CELF2: variants seen among roughly 807,000 people sequenced by gnomAD.
CELF2 encodes CUG triplet repeat RNA-binding protein 2.
In CELF2, 8 loss-of-function variants were observed where a neutral mutation model predicts 62.6. The ratio of observed to expected loss-of-function variants is 0.13; its 90% CI spans 0.07 to 0.23. CELF2 has a LOEUF of 0.23. CELF2 is among the 10% of genes least tolerant of loss of function. CELF2 has a pLI of 1.00. For missense variants in CELF2, 333 were observed against 671.0 expected, an observed-to-expected ratio of 0.50 and a Z score of 5.56; for synonymous variants, 258 against 250.0, an observed-to-expected ratio of 1.03 and a Z score of -0.30.
chr10:11,026,191 A>G lies in CELF2; in HGVS notation c.74+8028A>G, dbSNP rs577324656. On this transcript the variant is annotated intron_variant, in intron 1 of 12. Coordinates refer to ENST00000633077, the MANE Select transcript of CELF2 (RefSeq NM_001326342.2). ...CTTGTGCCTCTTGGCTGCTGCTTCCATTTTATATGATCCATGTCATGATCC... is the reference window on the plus strand; with the variant it reads ...CTTGTGCCTCTTGGCTGCTGCTTCCGTTTTATATGATCCATGTCATGATCC... 3.2e-3 allele frequency among the ~76,000 whole-genome samples: 490 copies of G among 152,214 alleles called. 2 individuals carry two copies. Among genetic ancestry groups the G allele is most frequent in the African/African-American group, 0.011 (473 of 41,526 alleles).
chr10:10,752,479 A>G, the CELF2 span, among the ~76,000 whole-genome samples: 1 of 152,108 alleles, frequency 6.6e-6, no homozygotes, highest in African/African-American at 2.4e-5. Flanking sequence ...TCATGAGGTC[A>G]GGAGATTGAG....
At chr10:11,250,123 A>G (rs2076707625) in intron 4 of CELF2, among the ~76,000 whole-genome samples, 1 of 152,186 alleles carries the variant, frequency 6.6e-6, no homozygotes. Flanking sequence ...AGTGCATTCC[A>G]TTTTCTGGCT....
intron 1 of CELF2, among the ~76,000 whole-genome samples, chr10:11,142,644 A>C (rs1357350817): frequency 2.1e-5 from 3 of 146,018 alleles, no homozygotes; most frequent in Non-Finnish European, 4.5e-5. Flanking sequence ...AGATCATGCC[A>C]CTGCGGTCCA....
chr10:10,512,907 A>G, the CELF2 span, among the ~76,000 whole-genome samples: 1 of 152,182 alleles, frequency 6.6e-6, no homozygotes, highest in Non-Finnish European at 1.5e-5. Context: ...CAGGCTTAAA[A>G]GAAATGCTCT....
At chr10:10,533,673 C>T in the CELF2 span, among the ~76,000 whole-genome samples, 391 of 152,292 alleles carry the variant, frequency 2.6e-3, 1 homozygote, top group Admixed American at 4.3e-3. Flanking sequence ...AATCCTCGCA[C>T]ATTAGGAAGA....
chr10:10,615,553 C>G, the CELF2 span, among the ~76,000 whole-genome samples: 1 of 152,166 alleles, frequency 6.6e-6, no homozygotes, highest in Non-Finnish European at 1.5e-5. Context: ...CTGCCCAAAT[C>G]TCATGTCACA....
intron 2 of CELF2, among the ~76,000 whole-genome samples, chr10:11,186,158 T>C (rs1401189272): frequency 1.3e-5 from 2 of 152,220 alleles, no homozygotes; most frequent in Admixed American, 1.3e-4. Context: ...CTTCAAAATC[T>C]ACACATAAAG....
chr10:11,114,903 C>A (rs2056201801), intron 1 of CELF2, among the ~76,000 whole-genome samples: 1 of 152,162 alleles, frequency 6.6e-6, no homozygotes. Context: ...GTCATCAATT[C>A]AGTAGATAGC....
chr10:11,217,262 G>C lies in CELF2; in HGVS notation c.272-163G>C, dbSNP rs578061082. On this transcript the variant is annotated intron_variant, in intron 2 of 12. Transcript: ENST00000633077. This position sits in a 1 kb window ranked among gnomAD's most constrained non-coding sequence, Gnocchi z 5.6. ...AATAAATATGATTTAGGATGAAAAG[G>C]TACTGTGTAAATGCTTGAGATGTTG... Among the ~76,000 whole-genome samples, 7 of 152,162 alleles carry C rather than the reference G, an allele frequency of 4.6e-5. No individual in the cohort carries two copies. Among genetic ancestry groups the C allele is most frequent in the Non-Finnish European group, 7.4e-5 (5 of 68,022 alleles).
At chr10:10,900,054 C>A (rs2062828818) in intron 1 of CELF2, among the ~76,000 whole-genome samples, 1 of 152,098 alleles carries the variant, frequency 6.6e-6, no homozygotes, top group South Asian at 2.1e-4. Context: ...AAATAGATAA[C>A]CTGACTTTCC....
chr10:10,497,324 A>G, the CELF2 span, among the ~76,000 whole-genome samples: 1 of 152,198 alleles, frequency 6.6e-6, no homozygotes, highest in Non-Finnish European at 1.5e-5. Context: ...AGGAAGAGAA[A>G]CAAAGGATGG....
At chr10:10,832,155 C>A (rs2057914673) in intron 1 of CELF2, among the ~76,000 whole-genome samples, 1 of 151,278 alleles carries the variant, frequency 6.6e-6, no homozygotes, top group Admixed American at 6.6e-5. Context: ...GTAGTCCCAG[C>A]CAGTCAGGAG....
At chr10:10,666,861 CAA>C in the CELF2 span, among the ~76,000 whole-genome samples, 4 of 25,222 alleles carry the variant, frequency 1.6e-4, no homozygotes, top group Non-Finnish European at 2.9e-4. Flanking sequence ...GACTCCGTCT[CAA>C]AAAAAAAAAA....
intron 1 of CELF2, among the ~76,000 whole-genome samples, chr10:11,043,768 T>C (rs2062275171): frequency 6.6e-6 from 1 of 152,166 alleles, no homozygotes; most frequent in Non-Finnish European, 1.5e-5. Flanking sequence ...CGAGTACACA[T>C]GTTTCCCATC....
At chr10:11,155,637 G>T (rs1395112524) in intron 1 of CELF2, among the ~76,000 whole-genome samples, 2 of 152,136 alleles carry the variant, frequency 1.3e-5, no homozygotes, top group African/African-American at 2.4e-5. Flanking sequence ...TTGGGAAAAA[G>T]AAAAATACAC....
chr10:11,193,205 G>T (rs573909141), intron 2 of CELF2, among the ~76,000 whole-genome samples: 1 of 152,122 alleles, frequency 6.6e-6, no homozygotes, highest in Non-Finnish European at 1.5e-5. Flanking sequence ...GATTTTCTCA[G>T]GCACCATGAG....
intron 1 of CELF2, among the ~76,000 whole-genome samples, chr10:11,121,019 A>T (rs758167916): frequency 6.6e-6 from 1 of 152,192 alleles, no homozygotes; most frequent in Non-Finnish European, 1.5e-5. Flanking sequence ...CTCAGTGTCT[A>T]CAGTTTCCAT....
intron 3 of CELF2, among the ~76,000 whole-genome samples, chr10:11,234,318 A>T (rs1162024459): frequency 6.6e-6 from 1 of 152,216 alleles, no homozygotes. Flanking sequence ...ATAGTGCTCA[A>T]CAAATGTTTG....
At chr10:10,528,022 A>G in the CELF2 span, among the ~76,000 whole-genome samples, 3 of 152,228 alleles carry the variant, frequency 2.0e-5, no homozygotes, top group South Asian at 4.1e-4. Context: ...ACACAGTTAA[A>G]TGACCTACCC....
Sources: allele counts gnomAD v4.1 joint callset (sites outside exome capture counted in the v4.1 genomes callset), GRCh38; gene constraint gnomAD v4.1.1; non-coding constraint Gnocchi (gnomAD v3.1); transcripts MANE v1.5; gene names NCBI Gene and HGNC (gene_info 2026-07-23, HGNC 2026-07-21).